ZNF202: variants seen among roughly 807,000 people sequenced by gnomAD.
ZNF202 encodes zinc finger protein 202.
A neutral mutation model predicts 54.5 loss-of-function variants in ZNF202; 22 were observed. That is an observed-to-expected ratio of 0.40 (90% CI 0.29 to 0.58). The LOEUF (loss-of-function observed/expected upper bound fraction) is 0.58, where lower values mean the gene tolerates loss of function less well. ZNF202 is among the 20% of genes least tolerant of loss of function. The pLI, the probability that ZNF202 is intolerant of heterozygous loss-of-function variation, is 0.39. For synonymous variants in ZNF202, 294 were observed against 301.4 expected, an observed-to-expected ratio of 0.98 and a Z score of 0.26; for missense variants, 644 against 805.5, an observed-to-expected ratio of 0.80 and a Z score of 2.43.
intron 1 of ZNF202, among the ~76,000 whole-genome samples, chr11:123,741,214 C>A (rs577274080): frequency 8.0e-4 from 122 of 152,122 alleles, no homozygotes; most frequent in Middle Eastern, 3.4e-3. Flanking sequence ...ACAGTTGGCG[C>A]GGAAGCGTTA....
chr11:123,728,200 G>A lies in ZNF202; in HGVS notation c.765C>T (p.Asp255=). 6.2e-7 allele frequency: 1 copy of A among 1,613,156 alleles called. No homozygotes were observed. The change falls in exon 7 of 9, where the codon GAC becomes GAT. Residue 255 remains aspartate (D), a synonymous_variant. Transcript: ENST00000530393. ...CFSQDQWSDL[D]PTQKEFYGEY... is the part of the protein sequence containing the mutation. ...CTCCATAGAACTCTTTCTGTGTTGG[G>A]TCCAGATCACTCCACTGGTCCTGGG... is the stretch of plus-strand genomic sequence containing the variant.
chr11:123,735,221 A>G (rs1056515997), intron 3 of ZNF202, among the ~76,000 whole-genome samples: 1 of 152,194 alleles, frequency 6.6e-6, no homozygotes, highest in Non-Finnish European at 1.5e-5. Flanking sequence ...TAAAAGTTTG[A>G]GAACCGACGT....
intron 8 of ZNF202, 92 bp downstream of exon 8, chr11:123,727,384 C>A (rs2137316472): frequency 6.5e-7 from 1 of 1,544,288 alleles, no homozygotes; most frequent in Non-Finnish European, 8.8e-7. Flanking sequence ...GTTAGAAGAA[C>A]TGATGAGAGC....
rs114990966 is a variant in ZNF202, at chr11:123,736,086, T to C, written c.-98+4031A>G. Among the ~76,000 whole-genome samples the C allele has an allele frequency of 5.4e-3, 815 of 152,296 alleles. 5 individuals are homozygous for C. Among genetic ancestry groups the C allele is most frequent in the African/African-American group, 0.019 (790 of 41,566 alleles). On this transcript the variant is annotated intron_variant, in intron 3 of 8. Coordinates refer to ENST00000530393, the MANE Select transcript of ZNF202 (RefSeq NM_003455.4). ...TAGGATTGGAGAGGAGCTATCAAGGTAAGACCTCTGTACAATCCTCAGGCC... is the reference window on the plus strand; with the variant it reads ...TAGGATTGGAGAGGAGCTATCAAGGCAAGACCTCTGTACAATCCTCAGGCC...
At chr11:123,733,348 T>G (rs1026801128) in intron 3 of ZNF202, among the ~76,000 whole-genome samples, 3 of 152,222 alleles carry the variant, frequency 2.0e-5, no homozygotes, top group Admixed American at 2.0e-4. Flanking sequence ...CAGTCTATCT[T>G]GGATAGCTCC....
chr11:123,736,692 G>A lies in ZNF202; in HGVS notation c.-98+3425C>T, dbSNP rs545615320. On this transcript the variant is annotated intron_variant, in intron 3 of 8. Transcript: ENST00000530393. ...ATGGTTAGTGGCCTTGGCACGCTGG[G>A]TTTGAATCCCTGACCTCGAATCCCT... is the stretch of plus-strand genomic sequence containing the variant. Among the ~76,000 whole-genome samples the A allele has an allele frequency of 7.2e-5, 11 of 152,262 alleles. No individual in the cohort carries two copies. The South Asian group carries it at 2.3e-3, about 32-fold the overall frequency.
intron 3 of ZNF202, among the ~76,000 whole-genome samples, chr11:123,736,630 G>T (rs1203378116): frequency 6.6e-6 from 1 of 152,148 alleles, no homozygotes; most frequent in East Asian, 1.9e-4. Flanking sequence ...ATTCTTGATT[G>T]TCCTATATAC....
Position 123,727,588 on chromosome 11 carries a change from T to A in ZNF202, c.840A>T (p.Pro280=). 6.2e-7 allele frequency: 1 copy of A among 1,614,000 alleles called. No homozygotes were observed. Among genetic ancestry groups the A allele is most frequent in the East Asian group, 2.2e-5 (1 of 44,868 alleles). Residue 280 remains proline, a synonymous_variant, in exon 8 of 9, where the codon CCA becomes CCT. Transcript: ENST00000530393. ...GGGAGATCTCATCAGGTCTGGGGAT[T>A]GGAAATGCTGCTCAAGAGAGGGAAA... ...DCGIVVSLSF[P]IPRPDEISQV...
At chr11:123,737,392 C>T (rs941414559) in intron 3 of ZNF202, among the ~76,000 whole-genome samples, 4 of 152,022 alleles carry the variant, frequency 2.6e-5, no homozygotes, top group African/African-American at 9.7e-5. Context: ...CCTAAGTTTC[C>T]CCCCCGCCCC....
chr11:123,730,941 C>G lies in ZNF202; in HGVS notation c.-53G>C. On this transcript the variant is annotated 5_prime_UTR_variant, in exon 4 of 9. Transcript: ENST00000530393. The surrounding 1 kb of genome is among the most constrained non-coding windows in gnomAD (Gnocchi z 6.0). The stretch of plus-strand genomic sequence containing the variant: ...ATCTAGAGCTCACACTGTCATTAGC[C>G]CCCCGCCTCAGCCTGGACACAGCGA... 5 of 1,559,744 alleles carry G rather than the reference C, an allele frequency of 3.2e-6. No individual in the cohort carries two copies. Among genetic ancestry groups the G allele is most frequent in the Non-Finnish European group, 4.3e-6 (5 of 1,152,824 alleles).
At chr11:123,735,781 A>G (rs1344422377) in intron 3 of ZNF202, among the ~76,000 whole-genome samples, 1 of 152,258 alleles carries the variant, frequency 6.6e-6, no homozygotes, top group Non-Finnish European at 1.5e-5. Flanking sequence ...GTCAAGATTT[A>G]ATATTAGAGG....
rs35781146 is a variant in ZNF202, at chr11:123,726,486, G to A, written c.1458C>T (p.Cys486=). ...SVEKPYRCDD[C]GKHFRWTSDL... The stretch of plus-strand genomic sequence containing the variant: ...CTGAAGTCCAGCGGAAGTGCTTTCC[G>A]CAATCATCACATCTATAGGGTTTCT... The change falls in exon 9 of 9, where the codon TGC becomes TGT. Residue 486 remains cysteine, a synonymous_variant. Transcript: ENST00000530393. The surrounding 1 kb of genome is among the most constrained non-coding windows in gnomAD (Gnocchi z 6.0). The A allele has an allele frequency of 1.8e-3, 2,934 of 1,614,210 alleles. 50 individuals are homozygous for A. In the African/African-American group the frequency reaches 0.033, roughly 18 times the overall value.
At chr11:123,732,124 A>T (rs1191511804) in intron 3 of ZNF202, among the ~76,000 whole-genome samples, 1 of 151,902 alleles carries the variant, frequency 6.6e-6, no homozygotes, top group Admixed American at 6.6e-5. Context: ...TCTTGTCTTT[A>T]TTCCCACAAT....
At position 123,730,506 on chromosome 11, in the gene ZNF202, G is replaced by A; in HGVS notation, c.383C>T (p.Pro128Leu). 6.5e-7 allele frequency: 1 copy of A among 1,533,758 alleles called. No individual in the cohort carries two copies. The highest frequency in any genetic ancestry group is 8.7e-7 in the Non-Finnish European group (1 of 1,143,192). Residue 128 changes from proline to leucine, a missense_variant, in exon 4 of 9, where the codon CCC becomes CTC. By Grantham distance (98) the Pro-to-Leu change is moderately conservative. Coordinates refer to ENST00000530393, the MANE Select transcript of ZNF202 (RefSeq NM_003455.4). This position sits in a 1 kb window ranked among gnomAD's most constrained non-coding sequence, Gnocchi z 6.0. ...CCTCACCCACCGCCTTGGTCTCCTGGGTTGTTTCTGCAAACCCTCCACCAG... is the reference window on the plus strand; with the variant it reads ...CCTCACCCACCGCCTTGGTCTCCTGAGTTGTTTCTGCAAACCCTCCACCAG... The part of the protein sequence containing the change: ...VTLVEGLQKQ[P>L]RRPRRWVTVH...
In ZNF202 at chr11:123,726,447, A is replaced by C. The variant is rs1861141600; in HGVS notation, c.1497T>G (p.His499Gln). 1 of 1,614,096 alleles carries C rather than the reference A, an allele frequency of 6.2e-7. No individual in the cohort carries two copies. Among genetic ancestry groups the C allele is most frequent in the South Asian group, 1.1e-5 (1 of 91,092 alleles). The part of the protein sequence containing the change: ...HFRWTSDLVR[H>Q]QRTHTGEKPF... ...GTTTTTCTCCAGTATGTGTCCTCTGATGTCTGACAAGGTCTGAAGTCCAGC... is the reference window on the plus strand; with the variant it reads ...GTTTTTCTCCAGTATGTGTCCTCTGCTGTCTGACAAGGTCTGAAGTCCAGC... Residue 499 changes from histidine to glutamine, a missense_variant, in exon 9 of 9, where the codon CAT becomes CAG. This residue lies in a region of ZNF202 where 536 missense variants were observed against 635.3 expected (regional missense o/e 0.84). Transcript: ENST00000530393. This position sits in a 1 kb window ranked among gnomAD's most constrained non-coding sequence, Gnocchi z 6.0.
At chr11:123,740,937 G>GA (rs1247670818) in intron 1 of ZNF202, among the ~76,000 whole-genome samples, 6 of 105,528 alleles carry the variant, frequency 5.7e-5, no homozygotes, top group Non-Finnish European at 1.3e-4. Context: ...ACTGGCTTGA[G>GA]GGGACCTCAG....
At chr11:123,727,426 A>T (rs1385560347) in intron 8 of ZNF202, 50 bp downstream of exon 8, 1 of 1,609,542 alleles carries the variant, frequency 6.2e-7, no homozygotes. Context: ...AGCACTGCCT[A>T]GAGGAACTGC....
At position 123,740,024 on chromosome 11, in the gene ZNF202, A is replaced by G. The variant is rs532240768; in HGVS notation, c.-98+93T>C. 3.9e-5 allele frequency: 6 copies of G among 152,346 alleles called. No homozygotes were observed. In the East Asian group the frequency reaches 1.2e-3, roughly 29 times the overall value. 9.4% of individuals were successfully genotyped at this position (152,346 alleles called of 1,614,324 possible). On this transcript the variant is annotated intron_variant, in intron 3 of 8. Coordinates refer to ENST00000530393, the MANE Select transcript of ZNF202 (RefSeq NM_003455.4). ...GGCCAAACTAAAGGGTTTGCTGGTG[A>G]GAGAACAGCAAAAACAAGGGGTATA... is the stretch of plus-strand genomic sequence containing the variant.
chr11:123,730,879 C>T lies in ZNF202; in HGVS notation c.10G>A (p.Ala4Thr). The change falls in exon 4 of 9, where the codon GCC (alanine) becomes ACC (threonine). Residue 4 changes from alanine to threonine, a missense_variant. By Grantham distance (58) the Ala-to-Thr change is moderately conservative (BLOSUM62 0). Transcript: ENST00000530393. The surrounding 1 kb of genome is among the most constrained non-coding windows in gnomAD (Gnocchi z 6.0). Reference protein sequence around the residue: MATAVEPEDQDLWE... With the variant: MATTVEPEDQDLWE... ...AGATCCTGGTCCTCTGGTTCCACGG[C>T]TGTAGCCATTTCTTGGCTTTGGGGT... 6.2e-7 allele frequency: 1 copy of T among 1,612,478 alleles called. No individual in the cohort carries two copies. The highest frequency in any genetic ancestry group is 8.5e-7 in the Non-Finnish European group (1 of 1,178,914).
Sources: allele counts gnomAD v4.1 joint callset (sites outside exome capture counted in the v4.1 genomes callset), GRCh38; gene constraint gnomAD v4.1.1; regional missense constraint gnomAD v4.1.1; non-coding constraint Gnocchi (gnomAD v3.1); transcripts MANE v1.5; gene names NCBI Gene and HGNC (gene_info 2026-07-23, HGNC 2026-07-21).